Variants in ZMIZ1 observed in about 807,000 individuals in gnomAD.
ZMIZ1 encodes zinc finger MIZ-type containing 1.
A neutral mutation model predicts 113.9 loss-of-function variants in ZMIZ1; 17 were observed. The ratio of observed to expected loss-of-function variants is 0.15; its 90% CI spans 0.10 to 0.22. ZMIZ1 has a LOEUF of 0.22. Among genes scored for constraint, ZMIZ1 ranks in the 10% least tolerant of loss-of-function variants. ZMIZ1 has a pLI of 1.00. For missense variants in ZMIZ1, 1,059 were observed against 1,477.8 expected, an observed-to-expected ratio of 0.72 and a Z score of 4.65; for synonymous variants, 607 against 603.1, an observed-to-expected ratio of 1.01 and a Z score of -0.09.
intron 4 of ZMIZ1, 61 bp downstream of exon 4, chr10:79,162,194 G>A (rs755167736): frequency 1.8e-5 from 7 of 398,748 alleles, no homozygotes; most frequent in Non-Finnish European, 2.2e-5. Flanking sequence ...GTCCTCATGA[G>A]GGCAGGTGCT....
intron 5 of ZMIZ1, among the ~76,000 whole-genome samples, chr10:79,207,632 T>G (rs1048319395): frequency 2.0e-5 from 3 of 152,210 alleles, no homozygotes; most frequent in African/African-American, 7.2e-5. Flanking sequence ...GAGCTCAGGC[T>G]GACTTCCCCA....
At chr10:79,212,635 A>G (rs557261879) in intron 6 of ZMIZ1, among the ~76,000 whole-genome samples, 1 of 152,274 alleles carries the variant, frequency 6.6e-6, no homozygotes, top group African/African-American at 2.4e-5. Flanking sequence ...ACACGCCTGT[A>G]ATCCCAGCTA....
At chr10:79,274,635 C>T (rs1186137651) in intron 7 of ZMIZ1, among the ~76,000 whole-genome samples, 1 of 151,394 alleles carries the variant, frequency 6.6e-6, no homozygotes, top group Admixed American at 6.6e-5. Flanking sequence ...AGCGTGGCCT[C>T]TGTGCTCACC....
chr10:79,096,528 A>G (rs1843176336), intron 1 of ZMIZ1, among the ~76,000 whole-genome samples: 1 of 152,192 alleles, frequency 6.6e-6, no homozygotes, highest in South Asian at 2.1e-4. Flanking sequence ...AAAGAAAAGA[A>G]AAGAAAAGAA....
chr10:79,231,380 T>G (rs1849387819), intron 7 of ZMIZ1, among the ~76,000 whole-genome samples: 1 of 152,164 alleles, frequency 6.6e-6, no homozygotes. Flanking sequence ...CCCCAACAGC[T>G]GGGGTTGCAG....
At chr10:79,225,739 TA>T (rs1849174036) in intron 7 of ZMIZ1, among the ~76,000 whole-genome samples, 1 of 152,146 alleles carries the variant, frequency 6.6e-6, no homozygotes, top group African/African-American at 2.4e-5. Flanking sequence ...TGTGACTACC[TA>T]AGCAACCTGG....
intron 3 of ZMIZ1, among the ~76,000 whole-genome samples, chr10:79,144,027 C>T (rs1845381478): frequency 6.6e-6 from 1 of 152,202 alleles, no homozygotes; most frequent in Non-Finnish European, 1.5e-5. Flanking sequence ...GCAGCAGCAG[C>T]AGCTGCTCTG....
chr10:79,165,771 G>A lies in ZMIZ1; in HGVS notation c.-50+3638G>A, dbSNP rs1355925742. Among the ~76,000 whole-genome samples, 4 of 152,266 alleles carry A rather than the reference G, an allele frequency of 2.6e-5. No homozygotes were observed. The East Asian group carries it at 7.8e-4, about 30-fold the overall frequency. On this transcript the variant is annotated intron_variant, in intron 4 of 24. Transcript: ENST00000334512. Reference sequence around the variant, plus strand: ...GGGAGGGCATGGATTTGGCGGCCATGCCTCCTGCCACAGACTTACACCCTG... The same window carrying A: ...GGGAGGGCATGGATTTGGCGGCCATACCTCCTGCCACAGACTTACACCCTG...
chr10:79,169,021 G>A (rs755083138), intron 4 of ZMIZ1, among the ~76,000 whole-genome samples: 46 of 152,162 alleles, frequency 3.0e-4, no homozygotes, highest in Non-Finnish European at 5.6e-4. Flanking sequence ...CTTGCCTCAC[G>A]GCTGTTCTGG....
intron 7 of ZMIZ1, among the ~76,000 whole-genome samples, chr10:79,218,556 A>G (rs12770013): frequency 0.06 from 9,126 of 150,870 alleles, 307 homozygotes; most frequent in Middle Eastern, 0.14. Context: ...CTAGAGGGAG[A>G]GGAAAACATT....
At chr10:79,299,981 C>T (rs568976653) in intron 16 of ZMIZ1, among the ~76,000 whole-genome samples, 3 of 150,656 alleles carry the variant, frequency 2.0e-5, no homozygotes, top group South Asian at 2.1e-4. Flanking sequence ...ATCTCCAGCG[C>T]AAGAGCTGGG....
At chr10:79,161,606 T>C (rs1589359474) in intron 3 of ZMIZ1, among the ~76,000 whole-genome samples, 1 of 152,366 alleles carries the variant, frequency 6.6e-6, no homozygotes, top group South Asian at 2.1e-4. Flanking sequence ...GTGTGGCTCC[T>C]GGACTCATTG....
intron 7 of ZMIZ1, among the ~76,000 whole-genome samples, chr10:79,251,221 T>C (rs965163636): frequency 6.6e-6 from 1 of 152,088 alleles, no homozygotes; most frequent in African/African-American, 2.4e-5. Flanking sequence ...CTCTCCTGTC[T>C]TCTCCACACA....
intron 7 of ZMIZ1, among the ~76,000 whole-genome samples, chr10:79,248,796 C>G (rs1850364905): frequency 6.6e-6 from 1 of 152,174 alleles, no homozygotes; most frequent in Non-Finnish European, 1.5e-5. Context: ...TCGGGGGATT[C>G]TAGCCAGGCC....
At chr10:79,109,231 G>C (rs1843655386) in intron 1 of ZMIZ1, among the ~76,000 whole-genome samples, 1 of 152,164 alleles carries the variant, frequency 6.6e-6, no homozygotes, top group Non-Finnish European at 1.5e-5. Context: ...ATTGGTGAGG[G>C]GTGTACATGC....
Position 79,251,033 on chromosome 10 carries a change from T to A in ZMIZ1, c.281-26148T>A, listed in dbSNP as rs541456781. 2.6e-5 allele frequency among the ~76,000 whole-genome samples: 4 copies of A among 152,210 alleles called. No homozygotes were observed. The South Asian group carries it at 8.3e-4, about 32-fold the overall frequency. On this transcript the variant is annotated intron_variant, in intron 7 of 24. Transcript: ENST00000334512. ...CTGGGGGGCCAAAAGGGGAGGGGCT[T>A]GCTGGGGACTTGTGGCCATTGTAGA...
At chr10:79,113,852 C>T (rs1165188965) in intron 1 of ZMIZ1, among the ~76,000 whole-genome samples, 1 of 152,130 alleles carries the variant, frequency 6.6e-6, no homozygotes, top group Non-Finnish European at 1.5e-5. Context: ...AGCCCGTTCA[C>T]CTGTGTAGGT....
chr10:79,139,538 T>C, intron 2 of ZMIZ1, 144 bp from the exon 3 acceptor site: 1 of 396,566 alleles, frequency 2.5e-6, no homozygotes, highest in Admixed American at 4.4e-5. Flanking sequence ...CAGCCAGCTC[T>C]GATAAATCAG....
At position 79,126,023 on chromosome 10, in the gene ZMIZ1, G is replaced by T. The variant is rs557558767; in HGVS notation, c.-227+6999G>T. Reference sequence around the variant, plus strand: ...GCCAAGGAAGCTCTGGGGACCTGTGGAGAGCCACCCAGAACTGGGACTGAG... The same window carrying T: ...GCCAAGGAAGCTCTGGGGACCTGTGTAGAGCCACCCAGAACTGGGACTGAG... On this transcript the variant is annotated intron_variant, in intron 2 of 24. Transcript: ENST00000334512. 9.1e-4 allele frequency among the ~76,000 whole-genome samples: 139 copies of T among 152,268 alleles called. 1 individual carries two copies. Among genetic ancestry groups the T allele is most frequent in the African/African-American group, 3.1e-3 (130 of 41,530 alleles).
Sources: gnomAD v4.1 joint callset for allele counts (sites outside exome capture counted in the v4.1 genomes callset) on GRCh38, gnomAD v4.1.1 for gene constraint, MANE v1.5 for transcripts, NCBI Gene and HGNC (gene_info 2026-07-23, HGNC 2026-07-21) for gene names.